Variants in PLPP1 observed in about 807,000 individuals in gnomAD.
PLPP1 encodes phospholipid phosphatase 1, also known as lipid phosphate phosphohydrolase 1a.
PLPP1 carries 24 observed loss-of-function variants against 31.2 expected under a neutral mutation model. That is an observed-to-expected ratio of 0.77 (90% CI 0.56 to 1.08). The LOEUF is 1.08. Among genes scored for constraint, PLPP1 ranks in the 50% least tolerant of loss-of-function variants. The pLI is 0.00. For synonymous variants in PLPP1, 146 were observed against 126.3 expected (o/e 1.16, Z -1.05); for missense variants, 319 against 342.7 (o/e 0.93, Z 0.55).
At chr5:55,494,766 C>G (rs1752969241) in intron 1 of PLPP1, among the ~76,000 whole-genome samples, 1 of 152,030 alleles carries the variant, frequency 6.6e-6, no homozygotes, top group South Asian at 2.1e-4. Flanking sequence ...GTCAGCAACT[C>G]TGAGGGCAAA....
At chr5:55,509,160 G>C (rs192627761) in intron 1 of PLPP1, among the ~76,000 whole-genome samples, 35 of 152,318 alleles carry the variant, frequency 2.3e-4, no homozygotes, top group Non-Finnish European at 5.0e-4. Context: ...TTCAATTTCA[G>C]GTAAACAATT....
chr5:55,527,869 A>G lies in PLPP1; in HGVS notation c.58+6703T>C, dbSNP rs530552425. 1.4e-4 allele frequency among the ~76,000 whole-genome samples: 21 copies of G among 152,282 alleles called. No individual in the cohort carries two copies. In the East Asian group the frequency reaches 4.0e-3, roughly 29 times the overall value. On this transcript the variant is annotated intron_variant, in intron 1 of 5. Transcript: ENST00000307259. ...CTCACAGAACAGCTTTGGCAACACTAAATCCAGCAAGAGGGAACTAGCTTT... is the reference window on the plus strand; with the variant it reads ...CTCACAGAACAGCTTTGGCAACACTGAATCCAGCAAGAGGGAACTAGCTTT...
chr5:55,482,938 A>T (rs2407976), intron 1 of PLPP1, among the ~76,000 whole-genome samples: 128,325 of 152,078 alleles, frequency 0.84, 54,547 homozygotes, highest in South Asian at 0.92. Context: ...ATTTTTTCAA[A>T]CAATGTACCA....
In PLPP1 at chr5:55,475,412, G is replaced by C; in HGVS notation, c.97C>G (p.Pro33Ala). 1.2e-6 allele frequency: 2 copies of C among 1,610,598 alleles called. No homozygotes were observed. Among genetic ancestry groups the C allele is most frequent in the South Asian group, 1.1e-5 (1 of 89,948 alleles). ...PFAILTSRHT[P>A]FQRGVFCNDE... ...TTACAGAATACTCCTCGTTGGAAGG[G>C]GGTATGCCTTGAAGTAAGAATTGCA... Residue 33 changes from proline (P) to alanine (A), a missense_variant, in exon 2 of 6, where the codon CCC (proline) becomes GCC (alanine). By Grantham distance (27) the Pro-to-Ala change is conservative. Transcript: ENST00000307259.
intron 1 of PLPP1, among the ~76,000 whole-genome samples, chr5:55,509,951 G>A (rs1207711086): frequency 2.6e-5 from 4 of 152,070 alleles, no homozygotes; most frequent in Admixed American, 1.3e-4. Context: ...GTAGTAAACC[G>A]GCCACGTGAT....
chr5:55,439,622 C>T (rs1751574480), intron 4 of PLPP1, among the ~76,000 whole-genome samples: 1 of 152,168 alleles, frequency 6.6e-6, no homozygotes, highest in Non-Finnish European at 1.5e-5. Context: ...TCATATGTGG[C>T]TGCATGTCCA....
chr5:55,431,312 G>C (rs1355203197), intron 4 of PLPP1, among the ~76,000 whole-genome samples: 1 of 152,194 alleles, frequency 6.6e-6, no homozygotes, highest in Non-Finnish European at 1.5e-5. Flanking sequence ...AAGTCACTTA[G>C]AAGGGGAACA....
At chr5:55,499,381 G>A (rs1164319320) in intron 1 of PLPP1, among the ~76,000 whole-genome samples, 1 of 152,192 alleles carries the variant, frequency 6.6e-6, no homozygotes, top group African/African-American at 2.4e-5. Flanking sequence ...CAAGTTTACA[G>A]TATACAATAT....
At chr5:55,435,412 TG>T (rs869030106) in intron 4 of PLPP1, among the ~76,000 whole-genome samples, 1 of 38,060 alleles carries the variant, frequency 2.6e-5, no homozygotes, top group Non-Finnish European at 8.1e-5. Flanking sequence ...AGAGATCACC[TG>T]GTAACAGGGA....
At chr5:55,473,056 C>T (rs761594423) in intron 2 of PLPP1, among the ~76,000 whole-genome samples, 2 of 152,144 alleles carry the variant, frequency 1.3e-5, no homozygotes, top group Non-Finnish European at 2.9e-5. Flanking sequence ...TGAATCCTGT[C>T]TGAAATTGGC....
chr5:55,462,511 T>TAA (rs1752187863), intron 3 of PLPP1, among the ~76,000 whole-genome samples: 1 of 152,068 alleles, frequency 6.6e-6, no homozygotes, highest in Admixed American at 6.5e-5. Flanking sequence ...ATCACAATAC[T>TAA]AAACAAATAA....
At chr5:55,528,303 A>C (rs1740541911) in intron 1 of PLPP1, among the ~76,000 whole-genome samples, 1 of 152,224 alleles carries the variant, frequency 6.6e-6, no homozygotes, top group South Asian at 2.1e-4. Flanking sequence ...CAAATCATTT[A>C]TCTACAATGG....
chr5:55,449,298 A>G (rs1324913557), intron 3 of PLPP1, among the ~76,000 whole-genome samples: 1 of 152,242 alleles, frequency 6.6e-6, no homozygotes, highest in Non-Finnish European at 1.5e-5. Flanking sequence ...GTTAAACTAA[A>G]CTTTCACATA....
chr5:55,502,486 CAA>C (rs112915753), intron 1 of PLPP1, among the ~76,000 whole-genome samples: 22 of 100,942 alleles, frequency 2.2e-4, no homozygotes, highest in Non-Finnish European at 1.4e-4. Context: ...GACTCCGTCT[CAA>C]AAAAAAAAAA....
intron 2 of PLPP1, among the ~76,000 whole-genome samples, chr5:55,473,201 A>G (rs1019883190): frequency 6.6e-6 from 1 of 152,244 alleles, no homozygotes; most frequent in African/African-American, 2.4e-5. Flanking sequence ...TTCTTCTAGC[A>G]GAAAAAATTC....
chr5:55,531,756 CACGTGTCTTCCAAAAGT>C (rs1162699387), intron 1 of PLPP1, among the ~76,000 whole-genome samples: 1 of 152,234 alleles, frequency 6.6e-6, no homozygotes, highest in Non-Finnish European at 1.5e-5. Flanking sequence ...TGCTATATAA[CACGTGTCTTCCAAAAGT>C]AAGCGTGAAA....
intron 3 of PLPP1, among the ~76,000 whole-genome samples, chr5:55,461,882 A>G (rs1458446672): frequency 1.3e-5 from 2 of 152,156 alleles, no homozygotes; most frequent in African/African-American, 2.4e-5. Flanking sequence ...TGCAGGATAC[A>G]TGATTAATAT....
At chr5:55,462,012 A>T (rs1008410075) in intron 3 of PLPP1, among the ~76,000 whole-genome samples, 1 of 152,180 alleles carries the variant, frequency 6.6e-6, no homozygotes, top group African/African-American at 2.4e-5. Context: ...AGACCCTGAA[A>T]ACTAAAAAAC....
chr5:55,489,044 A>G (rs534465061), intron 1 of PLPP1, among the ~76,000 whole-genome samples: 3 of 152,216 alleles, frequency 2.0e-5, no homozygotes, highest in African/African-American at 7.2e-5. Flanking sequence ...AAAAAAATAC[A>G]AAAATTAACT....
Sources: gnomAD v4.1 joint callset for allele counts (sites outside exome capture counted in the v4.1 genomes callset) on GRCh38, gnomAD v4.1.1 for gene constraint, MANE v1.5 for transcripts, NCBI Gene and HGNC (gene_info 2026-07-23, HGNC 2026-07-21) for gene names.